PAX3: variants seen among roughly 807,000 people sequenced by gnomAD.
PAX3 encodes the protein paired box protein Pax-3.
Under a neutral mutation model 51.6 loss-of-function variants are expected in PAX3, and 14 were observed. That is an observed-to-expected ratio of 0.27 (90% CI 0.18 to 0.42). The LOEUF (loss-of-function observed/expected upper bound fraction) is 0.42. Ranked by LOEUF, PAX3 falls within the 10% of genes least tolerant of loss-of-function variation. The pLI is 1.00. For missense variants in PAX3, 540 were observed against 642.8 expected (o/e 0.84, Z 1.73); for synonymous variants, 280 against 253.4 (o/e 1.11, Z -1.00).
chr2:222,265,643 A>AGAAGAAGGAAGG (rs1694020442), intron 4 of PAX3, among the ~76,000 whole-genome samples: 1 of 26,554 alleles, frequency 3.8e-5, no homozygotes, highest in Non-Finnish European at 7.4e-5. Flanking sequence ...TCCATCAAAA[A>AGAAGAAGGAAGG]AAAGAAGGAA....
Position 222,274,107 on chromosome 2 carries a change from C to T in PAX3, c.586+20060G>A, listed in dbSNP as rs1044466400. Among the ~76,000 whole-genome samples, 14 of 152,262 alleles carry T rather than the reference C, an allele frequency of 9.2e-5. No homozygotes were observed. The East Asian group carries it at 1.3e-3, about 15-fold the overall frequency. Reference sequence around the variant, plus strand: ...GCTCTCTCCACTGTGCTCTGTTCTGCAGCTCCCTCTCCTCTCAAATGCAAC... The same window carrying T: ...GCTCTCTCCACTGTGCTCTGTTCTGTAGCTCCCTCTCCTCTCAAATGCAAC... On this transcript the variant is annotated intron_variant, in intron 4 of 8. Coordinates refer to ENST00000392070, the MANE Select transcript of PAX3 (RefSeq NM_181458.4).
chr2:222,215,223 T>A (rs1691905919), intron 7 of PAX3, among the ~76,000 whole-genome samples: 1 of 152,090 alleles, frequency 6.6e-6, no homozygotes, highest in Admixed American at 6.6e-5. Flanking sequence ...ACCATATGGA[T>A]CAAATTTTCC....
intron 4 of PAX3, chr2:222,264,106 T>C (rs535494304): frequency 1.3e-5 from 2 of 152,326 alleles, no homozygotes; most frequent in South Asian, 2.1e-4. Flanking sequence ...TACAAGTTCA[T>C]AGCAGCACTA....
At chr2:222,292,442 G>A (rs1695077172) in intron 4 of PAX3, among the ~76,000 whole-genome samples, 1 of 151,662 alleles carries the variant, frequency 6.6e-6, no homozygotes, top group Non-Finnish European at 1.5e-5. Context: ...GGACTTCTTT[G>A]TAAAAGCTGG....
intron 8 of PAX3, 96 bp from the exon 9 acceptor site, chr2:222,201,538 C>A: frequency 6.7e-7 from 1 of 1,502,696 alleles, no homozygotes; most frequent in South Asian, 1.1e-5. Context: ...TATTTAATAC[C>A]GTGCTATCAA....
Position 222,289,349 on chromosome 2 carries a change from GT to G in PAX3, c.586+4817del, listed in dbSNP as rs369827538. Among the ~76,000 whole-genome samples the G allele has an allele frequency of 4.6e-3, 699 of 152,210 alleles. 5 individuals carry two copies. Among genetic ancestry groups the G allele is most frequent in the African/African-American group, 0.015 (643 of 41,514 alleles). ...CTCATAGGAAGAATTTTTTGTTGTT[GT>G]TCTCAAAATATATGCATTCATGGAT... On this transcript the variant is annotated intron_variant, in intron 4 of 8. Coordinates refer to ENST00000392070, the MANE Select transcript of PAX3 (RefSeq NM_181458.4).
In PAX3 at chr2:222,298,475, G is replaced by A. The variant is rs1331687322; in HGVS notation, c.85+56C>T. On this transcript the variant is annotated intron_variant, in intron 1 of 8. Coordinates refer to ENST00000392070, the MANE Select transcript of PAX3 (RefSeq NM_181458.4). ...AGCCTGCGGAGCCTGGGGATGGGGT[G>A]AGGCAGCCGGTCCCAGGCCCTGGGA... 4 of 1,432,132 alleles carry A rather than the reference G, an allele frequency of 2.8e-6. No individual in the cohort carries two copies. The East Asian group carries it at 7.4e-5, about 26-fold the overall frequency. The allele number at this position is 1,432,132 out of a possible 1,614,324, so 88.7% of individuals were successfully genotyped here.
At chr2:222,257,819 C>A (rs765707869) in intron 4 of PAX3, among the ~76,000 whole-genome samples, 3 of 152,184 alleles carry the variant, frequency 2.0e-5, no homozygotes, top group Non-Finnish European at 4.4e-5. Context: ...TGTTTTGTGC[C>A]CACCAGGGCC....
chr2:222,210,788 G>T (rs371012597), intron 7 of PAX3, among the ~76,000 whole-genome samples: 2 of 152,158 alleles, frequency 1.3e-5, no homozygotes, highest in East Asian at 3.9e-4. Flanking sequence ...CCAACATACC[G>T]CCTTTCCTTT....
At chr2:222,293,666 A>G (rs28945096) in intron 4 of PAX3, 31,862 of 1,614,026 alleles carry the variant, frequency 0.02, 425 homozygotes, top group Non-Finnish European at 0.023. Context: ...AAGGCAGCCA[A>G]TGTGGGGGCA....
chr2:222,286,795 C>CAGGA (rs1694848179), intron 4 of PAX3, among the ~76,000 whole-genome samples: 1 of 152,138 alleles, frequency 6.6e-6, no homozygotes, highest in Non-Finnish European at 1.5e-5. Context: ...AAAGATTTGT[C>CAGGA]AGGAAGGAAA....
chr2:222,248,227 TCTG>T (rs748557826), intron 4 of PAX3, among the ~76,000 whole-genome samples: 18 of 152,190 alleles, frequency 1.2e-4, no homozygotes, highest in Non-Finnish European at 2.2e-4. Flanking sequence ...TACACAAAAA[TCTG>T]CTAAGAATTC....
chr2:222,242,342 GT>G lies in PAX3; in HGVS notation c.587-10060del, dbSNP rs1251655598. ...TATGGACAAAATTAACTTAATAATA[GT>G]AATTATTATATAAGAAAAGCAGCTA... On this transcript the variant is annotated intron_variant, in intron 4 of 8. Transcript: ENST00000392070. 4 of 152,178 alleles carry G rather than the reference GT, an allele frequency of 2.6e-5. No homozygotes were observed. In the South Asian group the frequency reaches 8.3e-4, roughly 32 times the overall value. 9.4% of individuals were successfully genotyped at this position (152,178 alleles called of 1,614,324 possible).
intron 4 of PAX3, among the ~76,000 whole-genome samples, chr2:222,251,515 G>T (rs889432451): frequency 6.6e-6 from 1 of 152,126 alleles, no homozygotes; most frequent in Non-Finnish European, 1.5e-5. Context: ...ATCATTGTTG[G>T]ACATTTGGCT....
At chr2:222,214,061 T>C (rs1280683898) in intron 7 of PAX3, among the ~76,000 whole-genome samples, 1 of 152,162 alleles carries the variant, frequency 6.6e-6, no homozygotes, top group Non-Finnish European at 1.5e-5. Context: ...CTATATCCCA[T>C]CCACATAACA....
intron 5 of PAX3, among the ~76,000 whole-genome samples, chr2:222,229,155 A>G (rs1692490664): frequency 6.6e-6 from 1 of 151,298 alleles, no homozygotes; most frequent in Non-Finnish European, 1.5e-5. Context: ...ATATACTATT[A>G]TATGATTTAA....
chr2:222,246,365 T>G (rs1693227280), intron 4 of PAX3, among the ~76,000 whole-genome samples: 1 of 152,194 alleles, frequency 6.6e-6, no homozygotes, highest in African/African-American at 2.4e-5. Flanking sequence ...TCAAGCTCAT[T>G]CTTCACCACC....
intron 7 of PAX3, among the ~76,000 whole-genome samples, chr2:222,216,591 C>G (rs758205483): frequency 6.6e-6 from 1 of 152,312 alleles, no homozygotes; most frequent in Non-Finnish European, 1.5e-5. Flanking sequence ...GAGGAAAGGA[C>G]TGAGGGCATC....
intron 7 of PAX3, among the ~76,000 whole-genome samples, chr2:222,212,655 ACG>A (rs1553571128): frequency 6.8e-4 from 103 of 150,388 alleles, no homozygotes; most frequent in African/African-American, 2.4e-3. Context: ...ACACACACAC[ACG>A]AATAGTATAC....
Sources: allele counts gnomAD v4.1 joint callset (sites outside exome capture counted in the v4.1 genomes callset), GRCh38; gene constraint gnomAD v4.1.1; transcripts MANE v1.5; gene names NCBI Gene and HGNC (gene_info 2026-07-23, HGNC 2026-07-21).